The following PDCD5 variants were observed in gnomAD, a reference collection of about 807,000 sequenced individuals.
PDCD5 encodes the protein programmed cell death protein 5.
Under a neutral mutation model 21.9 loss-of-function variants are expected in PDCD5, and 23 were observed. That is an observed-to-expected ratio of 1.05 (90% CI 0.76 to 1.49). PDCD5 has a LOEUF of 1.49. Ranked by LOEUF, PDCD5 falls within the 40% of genes most tolerant of loss-of-function variation. The pLI, the probability that PDCD5 is intolerant of heterozygous loss-of-function variation, is 0.00. For missense variants in PDCD5, 152 were observed against 147.7 expected (o/e 1.03, Z -0.15); for synonymous variants, 45 against 49.4 (o/e 0.91, Z 0.37).
intron 1 of PDCD5, chr19:32,581,619 A>G (rs1971426949): frequency 3.2e-6 from 1 of 313,886 alleles, no homozygotes; most frequent in Non-Finnish European, 5.8e-6. Flanking sequence ...ATCCAAGCAC[A>G]ATCTCAGCTT....
intron 2 of PDCD5, 178 bp from the exon 3 acceptor site, chr19:32,584,772 G>T (rs1971459981): frequency 3.3e-6 from 2 of 613,004 alleles, no homozygotes; most frequent in African/African-American, 1.8e-5. Context: ...TTCTTTGAGG[G>T]CAAAAGGGGA....
rs1013888650 is a variant in PDCD5 at position 32,586,606 on chromosome 19, C to G, written c.259-252C>G. ...ATAAAGGTGTTCTTAAATATGTTAG[C>G]TTTCAGTTTTCCTGAGGAAGCAATT... On this transcript the variant is annotated intron_variant, in intron 4 of 5. Transcript: ENST00000590247. 7.4e-6 allele frequency: 9 copies of G among 1,223,392 alleles called. No individual in the cohort carries two copies. In the African/African-American group the frequency reaches 1.4e-4, roughly 19 times the overall value. The allele number at this position is 1,223,392 out of a possible 1,614,324, so 75.8% of individuals were successfully genotyped here. A position where few individuals can be genotyped will look rare whatever the true frequency, so the allele number is the denominator to read the frequency against.
At position 32,581,340 on chromosome 19, in the gene PDCD5, G is replaced by T; in HGVS notation, c.66+13G>T. 1 of 1,479,084 alleles carries T rather than the reference G, an allele frequency of 6.8e-7. No individual in the cohort carries two copies. Among genetic ancestry groups the T allele is most frequent in the Non-Finnish European group, 9.0e-7 (1 of 1,113,416 alleles). 91.6% of individuals were successfully genotyped at this position (1,479,084 alleles called of 1,614,324 possible). On this transcript the variant is annotated intron_variant, in intron 1 of 5. Transcript: ENST00000590247. ...GGCCAAACACGGGGTGAGCGCATCA[G>T]CCCCCGCCAGGCTTGGCCCTCGCGG...
At chr19:32,586,735 C>CGGAG in intron 4 of PDCD5, 123 bp from the exon 5 acceptor site, 1 of 1,408,768 alleles carries the variant, frequency 7.1e-7, no homozygotes, top group Non-Finnish European at 9.3e-7. Flanking sequence ...TCCTGCCTCA[C>CGGAG]CACTGCTTCC....
At chr19:32,583,146 C>A (rs1407895790) in intron 2 of PDCD5, among the ~76,000 whole-genome samples, 1 of 152,180 alleles carries the variant, frequency 6.6e-6, no homozygotes, top group Non-Finnish European at 1.5e-5. Flanking sequence ...AAGTTAAATT[C>A]TCTGCTTGAG....
chr19:32,586,473 G>A, intron 4 of PDCD5: 1 of 1,104,462 alleles, frequency 9.1e-7, no homozygotes, highest in Non-Finnish European at 1.1e-6. Flanking sequence ...TTCCGAGTGT[G>A]ACTTACCTCC....
At chr19:32,585,535 A>G (rs1971467965) in intron 3 of PDCD5, among the ~76,000 whole-genome samples, 1 of 152,230 alleles carries the variant, frequency 6.6e-6, no homozygotes. Context: ...ACCGCTTTCC[A>G]GAGGGCAGTC....
At chr19:32,584,845 C>A in intron 2 of PDCD5, 105 bp from the exon 3 acceptor site, 1 of 844,784 alleles carries the variant, frequency 1.2e-6, no homozygotes, top group Non-Finnish European at 2.1e-6. Context: ...TTGTATACCG[C>A]AGGCCCCATG....
chr19:32,585,894 A>C lies in PDCD5; in HGVS notation c.245A>C (p.Gln82Pro). 6.2e-7 allele frequency: 1 copy of C among 1,612,240 alleles called. No homozygotes were observed. The highest frequency in any genetic ancestry group is 1.1e-5 in the South Asian group (1 of 91,048). Residue 82 changes from glutamine to proline, a missense_variant, in exon 4 of 6, where the codon CAA becomes CCA. Coordinates refer to ENST00000590247, the MANE Select transcript of PDCD5 (RefSeq NM_004708.4). ...CTTATACAGATGGCAAGATATGGAC[A>C]ACTAAGTGAGAAGGTAAGCTTAGAC... ...NYLIQMARYGQLSEKVSEQGL... is the reference protein window; with the variant it reads ...NYLIQMARYGPLSEKVSEQGL...
intron 4 of PDCD5, chr19:32,586,234 G>T: frequency 1.4e-6 from 2 of 1,436,052 alleles, no homozygotes; most frequent in Non-Finnish European, 1.8e-6. Context: ...TAAGTAGAAG[G>T]TGTGTTTTGC....
intron 5 of PDCD5, 112 bp downstream of exon 5, chr19:32,587,041 C>A: frequency 9.6e-7 from 1 of 1,043,390 alleles, no homozygotes; most frequent in South Asian, 1.6e-5. Flanking sequence ...TTCCTTTTGT[C>A]AAACACGTGA....
At chr19:32,582,273 C>T in intron 2 of PDCD5, 41 bp downstream of exon 2, 1 of 1,545,444 alleles carries the variant, frequency 6.5e-7, no homozygotes. Flanking sequence ...GGTGGTTTCA[C>T]CAAATGGATT....
Position 32,585,857 on chromosome 19 carries a change from G to T in PDCD5, c.208G>T (p.Val70Leu), listed in dbSNP as rs1373282151. The change falls in exon 4 of 6, where the codon GTA becomes TTA. Residue 70 changes from valine (V) to leucine (L), a missense_variant. Val to Leu is a conservative substitution (Grantham distance 32, BLOSUM62 1). Coordinates refer to ENST00000590247, the MANE Select transcript of PDCD5 (RefSeq NM_004708.4). ...TGTAAAGCCTGAAAAAACTAAAGCA[G>T]TAGAGAATTACCTTATACAGATGGC... ...ALVKPEKTKAVENYLIQMARY... is the reference protein window; with the variant it reads ...ALVKPEKTKALENYLIQMARY... 8 of 1,611,058 alleles carry T rather than the reference G, an allele frequency of 5.0e-6. No individual in the cohort carries two copies. The highest frequency in any genetic ancestry group is 6.8e-6 in the Non-Finnish European group (8 of 1,177,342).
At chr19:32,583,921 T>C (rs991982827) in intron 2 of PDCD5, among the ~76,000 whole-genome samples, 1 of 152,140 alleles carries the variant, frequency 6.6e-6, no homozygotes, top group African/African-American at 2.4e-5. Flanking sequence ...AACCTCTGCC[T>C]CTGAGCTTCA....
chr19:32,583,082 A>G (rs1454641252), intron 2 of PDCD5, among the ~76,000 whole-genome samples: 1 of 152,184 alleles, frequency 6.6e-6, no homozygotes, highest in Non-Finnish European at 1.5e-5. Flanking sequence ...ATTCTTCCAG[A>G]GGGGATTTAC....
chr19:32,586,529 T>TC, intron 4 of PDCD5: 1 of 1,120,734 alleles, frequency 8.9e-7, no homozygotes, highest in Non-Finnish European at 1.1e-6. Context: ...GTGTGTCTAT[T>TC]CCTGACACCA....
intron 3 of PDCD5, 45 bp from the exon 4 acceptor site, chr19:32,585,771 A>G (rs754080361): frequency 1.8e-6 from 2 of 1,114,590 alleles, no homozygotes; most frequent in Non-Finnish European, 2.7e-6. Flanking sequence ...ACATAAGTGC[A>G]TTTGATTTTA....
intron 3 of PDCD5, 124 bp downstream of exon 3, chr19:32,585,135 A>G: frequency 1.3e-6 from 1 of 749,316 alleles, no homozygotes; most frequent in Non-Finnish European, 2.4e-6. Flanking sequence ...GAGATGTGTA[A>G]GAAGTGTGAA....
Position 32,584,854 on chromosome 19 carries a change from T to C in PDCD5, c.105-96T>C, listed in dbSNP as rs552833345. The C allele has an allele frequency of 3.3e-6, 3 of 911,168 alleles. No individual in the cohort carries two copies. The South Asian group carries it at 3.9e-5, about 12-fold the overall frequency. 56.4% of individuals were successfully genotyped at this position (911,168 alleles called of 1,614,324 possible). On this transcript the variant is annotated intron_variant, in intron 2 of 5. Transcript: ENST00000590247. ...TGCAGTTTGTATACCGCAGGCCCCA[T>C]GTGGAGACACATACTGGATGGGTTC...
Sources: allele counts gnomAD v4.1 joint callset (sites outside exome capture counted in the v4.1 genomes callset), GRCh38; gene constraint gnomAD v4.1.1; transcripts MANE v1.5; gene names NCBI Gene and HGNC (gene_info 2026-07-23, HGNC 2026-07-21).